The following GPATCH11 variants were observed in gnomAD, a reference collection of about 807,000 sequenced individuals.
GPATCH11 encodes the protein G patch domain-containing protein 11.
A neutral mutation model predicts 44.8 loss-of-function variants in GPATCH11; 32 were observed. That is an observed-to-expected ratio of 0.71 (90% CI 0.54 to 0.96). The LOEUF (loss-of-function observed/expected upper bound fraction) is 0.96. GPATCH11 is among the 40% of genes least tolerant of loss of function. The pLI, the probability that GPATCH11 is intolerant of heterozygous loss-of-function variation, is 0.00. For missense variants in GPATCH11, 324 were observed against 303.1 expected (o/e 1.07, Z -0.51); for synonymous variants, 84 against 94.4 (o/e 0.89, Z 0.64).
At chr2:37,085,390 T>G (rs986920999) in intron 1 of GPATCH11, among the ~76,000 whole-genome samples, 10 of 152,222 alleles carry the variant, frequency 6.6e-5, no homozygotes, top group African/African-American at 2.4e-4. Context: ...TGTGATATAC[T>G]GGGTAAGTGT....
chr2:37,096,060 C>T (rs1572986068), intron 8 of GPATCH11, 148 bp from the exon 9 acceptor site: 5 of 589,628 alleles, frequency 8.5e-6, no homozygotes, highest in Non-Finnish European at 1.5e-5. Context: ...GAGAGTGAAG[C>T]ATTTTTGGTT....
At chr2:37,088,575 G>GTGTGAT in intron 2 of GPATCH11, 135 bp downstream of exon 2, 13 of 533,388 alleles carry the variant, frequency 2.4e-5, no homozygotes, top group Non-Finnish European at 4.1e-5. Flanking sequence ...GAGTGCAGTG[G>GTGTGAT]CACAATCTTA....
chr2:37,086,414 A>G (rs1407038468), intron 1 of GPATCH11, among the ~76,000 whole-genome samples: 1 of 152,220 alleles, frequency 6.6e-6, no homozygotes, highest in Non-Finnish European at 1.5e-5. Context: ...TTTGGGATGC[A>G]GTGGTAGGTA....
chr2:37,088,300 G>A (rs1488100907), intron 1 of GPATCH11, 69 bp from the exon 2 acceptor site: 2 of 667,492 alleles, frequency 3.0e-6, no homozygotes, highest in Non-Finnish European at 5.1e-6. Flanking sequence ...GCTCATGGCT[G>A]CAGATACAGA....
In GPATCH11 at chr2:37,097,772, T is replaced by A. The variant is rs1007599809; in HGVS notation, c.*1509T>A. 6.6e-6 allele frequency: 1 copy of A among 152,192 alleles called. No homozygotes were observed. Among genetic ancestry groups the A allele is most frequent in the Non-Finnish European group, 1.5e-5 (1 of 68,032 alleles). 9.4% of individuals were successfully genotyped at this position (152,192 alleles called of 1,614,324 possible). Reference sequence around the variant, plus strand: ...CCTAATTCACTTTTCAAGTTTAACTTGGGGAGCTTTACAAAATAGTAATAA... The same window carrying A: ...CCTAATTCACTTTTCAAGTTTAACTAGGGGAGCTTTACAAAATAGTAATAA... On this transcript the variant is annotated 3_prime_UTR_variant, in exon 9 of 9. Coordinates refer to ENST00000674370, the MANE Select transcript of GPATCH11 (RefSeq NM_174931.4).
In GPATCH11 at chr2:37,096,437, T is replaced by C. The variant is rs1572986517; in HGVS notation, c.*174T>C. 1.7e-6 allele frequency: 1 copy of C among 579,138 alleles called. No homozygotes were observed. Among genetic ancestry groups the C allele is most frequent in the East Asian group, 3.2e-5 (1 of 31,638 alleles). 35.9% of individuals were successfully genotyped at this position (579,138 alleles called of 1,614,324 possible). On this transcript the variant is annotated 3_prime_UTR_variant, in exon 9 of 9. Transcript: ENST00000674370. ...ATGTTCATTGACTTGAAAAAAATAA[T>C]GCAATGGCATTTCAGAACACAAGTA...
intron 7 of GPATCH11, 133 bp from the exon 8 acceptor site, chr2:37,095,304 T>G: frequency 8.7e-7 from 1 of 1,145,874 alleles, no homozygotes. Context: ...AGTTCTGTCC[T>G]TGACATTTCT....
At chr2:37,089,392 C>G (rs1673196652) in intron 2 of GPATCH11, among the ~76,000 whole-genome samples, 1 of 151,962 alleles carries the variant, frequency 6.6e-6, no homozygotes, top group Non-Finnish European at 1.5e-5. Flanking sequence ...CATGGCAAAA[C>G]CCCGTCTCTA....
intron 8 of GPATCH11, among the ~76,000 whole-genome samples, 153 bp downstream of exon 8, chr2:37,095,671 CT>C (rs1245940297): frequency 6.6e-6 from 1 of 152,040 alleles, no homozygotes; most frequent in East Asian, 1.9e-4. Flanking sequence ...ATAATTGAGG[CT>C]TTATTAAAAT....
intron 1 of GPATCH11, among the ~76,000 whole-genome samples, chr2:37,087,434 T>G (rs1350220442): frequency 6.6e-6 from 1 of 152,232 alleles, no homozygotes; most frequent in African/African-American, 2.4e-5. Context: ...GAACCTCAGG[T>G]TCCAGCCCCA....
At chr2:37,088,696 A>G (rs985020099) in intron 2 of GPATCH11, among the ~76,000 whole-genome samples, 8 of 151,792 alleles carry the variant, frequency 5.3e-5, no homozygotes, top group African/African-American at 1.7e-4. Flanking sequence ...CTTCTTTTTT[A>G]TTATTTGGAG....
intron 1 of GPATCH11, 36 bp downstream of exon 1, chr2:37,084,606 C>G: frequency 8.2e-7 from 1 of 1,226,226 alleles, no homozygotes. Context: ...TGGGGACAAC[C>G]GGTAGAATGA....
At chr2:37,089,887 A>C in intron 3 of GPATCH11, 21 bp downstream of exon 3, 1 of 1,494,306 alleles carries the variant, frequency 6.7e-7, no homozygotes, top group East Asian at 2.5e-5. Context: ...TGTGGAAATA[A>C]ACAGGTATTC....
chr2:37,084,611 G>C, intron 1 of GPATCH11, 41 bp downstream of exon 1: 1 of 1,226,276 alleles, frequency 8.2e-7, no homozygotes, highest in Non-Finnish European at 1.0e-6. Flanking sequence ...ACAACCGGTA[G>C]AATGATAAAA....
Position 37,097,219 on chromosome 2 carries a change from G to A in GPATCH11, c.*956G>A, listed in dbSNP as rs1318752628. 1.3e-5 allele frequency: 2 copies of A among 152,082 alleles called. No individual in the cohort carries two copies. Among genetic ancestry groups the A allele is most frequent in the Admixed American group, 1.3e-4 (2 of 15,266 alleles). The allele number at this position is 152,082 out of a possible 1,614,324, so 9.4% of individuals were successfully genotyped here. On this transcript the variant is annotated 3_prime_UTR_variant, in exon 9 of 9. Coordinates refer to ENST00000674370, the MANE Select transcript of GPATCH11 (RefSeq NM_174931.4). Reference sequence around the variant, plus strand: ...TTCAACCTTTGCTTTTATTCTTCCAGCCACAGAGAACTCACTGCTTTAAAA... The same window carrying A: ...TTCAACCTTTGCTTTTATTCTTCCAACCACAGAGAACTCACTGCTTTAAAA...
At chr2:37,087,394 G>T (rs1350067578) in intron 1 of GPATCH11, among the ~76,000 whole-genome samples, 1 of 152,214 alleles carries the variant, frequency 6.6e-6, no homozygotes, top group South Asian at 2.1e-4. Context: ...TAGCAACATT[G>T]ACATTGCCTG....
intron 1 of GPATCH11, among the ~76,000 whole-genome samples, chr2:37,087,278 A>G (rs891617614): frequency 6.6e-6 from 1 of 152,198 alleles, no homozygotes; most frequent in Non-Finnish European, 1.5e-5. Flanking sequence ...CTAAAACCAC[A>G]TGAAGGGCAG....
At position 37,090,687 on chromosome 2, in the gene GPATCH11, G is replaced by A. The variant is rs548688624; in HGVS notation, c.293G>A (p.Gly98Asp). 1.0e-5 allele frequency: 15 copies of A among 1,471,438 alleles called. No individual in the cohort carries two copies. The Admixed American group carries it at 3.1e-4, about 30-fold the overall frequency. 91.1% of individuals were successfully genotyped at this position (1,471,438 alleles called of 1,614,324 possible). A position where few individuals can be genotyped will look rare whatever the true frequency, so the allele number is the denominator to read the frequency against. The change falls in exon 4 of 9, where the codon GGT (glycine) becomes GAT (aspartate). Residue 98 changes from glycine (G) to aspartate (D), a missense_variant. Gly to Asp is a moderately conservative substitution (Grantham distance 94). Transcript: ENST00000674370. Reference protein sequence around the residue: ...SGQALGKSGGGIVEPIPLNIK... With the variant: ...SGQALGKSGGDIVEPIPLNIK... ...TGTATTCATTCTCTTTAAGGGGGTG[G>A]TATTGTTGAACCAATTCCTCTCAAT...
At position 37,091,941 on chromosome 2, in the gene GPATCH11, A is replaced by C. The variant is rs1254469534; in HGVS notation, c.354A>C (p.Ala118=). The C allele has an allele frequency of 6.2e-7, 1 of 1,612,688 alleles. No homozygotes were observed. Among genetic ancestry groups the C allele is most frequent in the South Asian group, 1.1e-5 (1 of 90,990 alleles). ...KTGKSGIGHE[A]SLKRKAEEKL... is the part of the protein sequence containing the mutation. The stretch of plus-strand genomic sequence containing the variant: ...GGAAAAGTGGCATTGGTCATGAGGC[A>C]TCATTAAAACGGAAAGCAGAGGAAA... The change falls in exon 5 of 9, where the codon GCA becomes GCC. Residue 118 remains alanine, a synonymous_variant. Transcript: ENST00000674370.
Sources: allele counts gnomAD v4.1 joint callset (sites outside exome capture counted in the v4.1 genomes callset), GRCh38; gene constraint gnomAD v4.1.1; transcripts MANE v1.5; gene names NCBI Gene and HGNC (gene_info 2026-07-23, HGNC 2026-07-21).